Variants in SENP6 observed in about 807,000 individuals in gnomAD.
SENP6 encodes the protein sentrin-specific protease 6.
In SENP6, 41 loss-of-function variants were observed where a neutral mutation model predicts 134.5. That is an observed-to-expected ratio of 0.30 (90% CI 0.24 to 0.40). SENP6 has a LOEUF of 0.40. SENP6 is among the 10% of genes least tolerant of loss of function. SENP6 has a pLI of 1.00. For missense variants in SENP6, 1,248 were observed against 1,312.5 expected, an observed-to-expected ratio of 0.95 and a Z score of 0.76; for synonymous variants, 395 against 429.8, an observed-to-expected ratio of 0.92 and a Z score of 1.00.
intron 1 of SENP6, among the ~76,000 whole-genome samples, chr6:75,617,708 A>T (rs1767969702): frequency 6.6e-6 from 1 of 152,234 alleles, no homozygotes; most frequent in African/African-American, 2.4e-5. Flanking sequence ...TACCTGAACT[A>T]CAAACTTTAT....
At chr6:75,679,751 A>C (rs1448829151) in intron 16 of SENP6, 1 of 152,212 alleles carries the variant, frequency 6.6e-6, no homozygotes, top group African/African-American at 2.4e-5. Context: ...TGTGATATAA[A>C]ATGGACATGT....
chr6:75,675,604 A>G, intron 12 of SENP6, 136 bp downstream of exon 12: 1 of 679,374 alleles, frequency 1.5e-6, no homozygotes, highest in African/African-American at 1.8e-5. Context: ...ATCAAAGGGC[A>G]TATATCTTGG....
Position 75,678,650 on chromosome 6 carries a change from A to G in SENP6, c.1916A>G (p.Glu639Gly). Residue 639 changes from glutamate to glycine, a missense_variant, in exon 15 of 24, where the codon GAA becomes GGA. Coordinates refer to ENST00000447266, the MANE Select transcript of SENP6 (RefSeq NM_015571.4). ...QEFQFFDEEEETGENHTIFIG... is the reference protein window; with the variant it reads ...QEFQFFDEEEGTGENHTIFIG... ...TTTCAGTTTTTTGATGAAGAAGAAG[A>G]AACTGGAGAAAACCACACCATCTTC... 6.2e-7 allele frequency: 1 copy of G among 1,604,538 alleles called. No homozygotes were observed. The highest frequency in any genetic ancestry group is 2.2e-5 in the East Asian group (1 of 44,758).
intron 18 of SENP6, 72 bp downstream of exon 18, chr6:75,697,589 T>C: frequency 1.0e-6 from 1 of 992,942 alleles, no homozygotes; most frequent in Non-Finnish European, 1.6e-6. Context: ...ATAATGAGTA[T>C]GAGGTGAAGA....
chr6:75,634,825 T>C lies in SENP6; in HGVS notation c.458+14T>C. On this transcript the variant is annotated intron_variant, in intron 5 of 23. Transcript: ENST00000447266. Reference sequence around the variant, plus strand: ...AGCAGCCCAAAGGTAAGAATTCTAATTGTCTTTGGTTAGTATATACATGGC... The same window carrying C: ...AGCAGCCCAAAGGTAAGAATTCTAACTGTCTTTGGTTAGTATATACATGGC... 2 of 1,522,736 alleles carry C rather than the reference T, an allele frequency of 1.3e-6. No homozygotes were observed. Among genetic ancestry groups the C allele is most frequent in the South Asian group, 1.2e-5 (1 of 85,072 alleles). The allele number at this position is 1,522,736 out of a possible 1,614,324, so 94.3% of individuals were successfully genotyped here.
intron 11 of SENP6, among the ~76,000 whole-genome samples, chr6:75,671,671 G>A (rs577387600): frequency 2.6e-4 from 39 of 152,246 alleles, no homozygotes; most frequent in African/African-American, 7.9e-4. Flanking sequence ...GCAGTGAGCC[G>A]AGACGGCGCC....
intron 7 of SENP6, among the ~76,000 whole-genome samples, chr6:75,649,290 GGGTGACAGAGTGAGACTT>G (rs1392209527): frequency 6.6e-6 from 1 of 152,044 alleles, no homozygotes; most frequent in Non-Finnish European, 1.5e-5. Context: ...GCTCCAGCCT[GGGTGACAGAGTGAGACTT>G]GGTCTCAAAA....
At chr6:75,667,027 C>A in intron 10 of SENP6, 86 bp downstream of exon 10, 2 of 721,196 alleles carry the variant, frequency 2.8e-6, no homozygotes, top group South Asian at 2.2e-5. Context: ...TTTGGTAGTG[C>A]CAAGAAAAAA....
intron 9 of SENP6, among the ~76,000 whole-genome samples, chr6:75,666,419 T>A (rs983021425): frequency 1.3e-4 from 19 of 150,692 alleles, no homozygotes; most frequent in African/African-American, 3.9e-4. Context: ...TGTAACTTGC[T>A]GATATTGCTG....
intron 7 of SENP6, among the ~76,000 whole-genome samples, chr6:75,652,516 T>A (rs1402515445): frequency 1.3e-5 from 2 of 151,486 alleles, no homozygotes; most frequent in Non-Finnish European, 2.9e-5. Flanking sequence ...ATATACAGAT[T>A]TTTAAGACTT....
At chr6:75,631,397 CTT>C (rs1400016269) in intron 3 of SENP6, among the ~76,000 whole-genome samples, 1 of 152,082 alleles carries the variant, frequency 6.6e-6, no homozygotes, top group East Asian at 1.9e-4. Context: ...GCAAAACAGA[CTT>C]TTTTTGTTCT....
chr6:75,634,614 T>C (rs1769361595), intron 4 of SENP6, 93 bp from the exon 5 acceptor site: 1 of 630,602 alleles, frequency 1.6e-6, no homozygotes, highest in Admixed American at 3.7e-5. Context: ...GTAAAGGTTT[T>C]TGTGTGTTTG....
At chr6:75,605,369 CTG>C (rs1766953355) in intron 1 of SENP6, among the ~76,000 whole-genome samples, 1 of 152,134 alleles carries the variant, frequency 6.6e-6, no homozygotes, top group Non-Finnish European at 1.5e-5. Flanking sequence ...AAGCATATCT[CTG>C]TAATAAACTG....
chr6:75,657,939 G>A (rs971443932), intron 7 of SENP6, among the ~76,000 whole-genome samples: 1 of 152,094 alleles, frequency 6.6e-6, no homozygotes, highest in African/African-American at 2.4e-5. Flanking sequence ...ATTGAAACAG[G>A]AACTTCTGCT....
chr6:75,690,747 G>A (rs1404106648), intron 16 of SENP6, among the ~76,000 whole-genome samples: 3 of 151,424 alleles, frequency 2.0e-5, no homozygotes, highest in Non-Finnish European at 4.4e-5. Context: ...AGGCTCTGGA[G>A]TGCAGTGGTG....
rs191065514 is a variant in SENP6, at chr6:75,716,579, A to T, written c.*985A>T. 3.9e-4 allele frequency: 59 copies of T among 152,104 alleles called. No homozygotes were observed. The highest frequency in any genetic ancestry group is 1.4e-3 in the African/African-American group (57 of 41,578). The allele number at this position is 152,104 out of a possible 1,614,324, so 9.4% of individuals were successfully genotyped here. A position where few individuals can be genotyped will look rare whatever the true frequency, so the allele number is the denominator to read the frequency against. Reference sequence around the variant, plus strand: ...TATTTTTTACATGTAAAAGTACTGTATTCAACCAGTTGCATAATACAGCAA... The same window carrying T: ...TATTTTTTACATGTAAAAGTACTGTTTTCAACCAGTTGCATAATACAGCAA... On this transcript the variant is annotated 3_prime_UTR_variant, in exon 24 of 24. Coordinates refer to ENST00000447266, the MANE Select transcript of SENP6 (RefSeq NM_015571.4).
intron 10 of SENP6, 59 bp from the exon 11 acceptor site, chr6:75,670,494 C>T (rs1772583643): frequency 7.7e-7 from 1 of 1,295,148 alleles, no homozygotes; most frequent in East Asian, 2.3e-5. Context: ...TATGTTTATA[C>T]TTAGCTTGCA....
At chr6:75,656,162 C>T (rs1195657510) in intron 7 of SENP6, among the ~76,000 whole-genome samples, 4 of 147,894 alleles carry the variant, frequency 2.7e-5, no homozygotes, top group Non-Finnish European at 4.4e-5. Context: ...TTGAGTGAGC[C>T]GAGATTGCGC....
chr6:75,654,729 C>T (rs551753648), intron 7 of SENP6, among the ~76,000 whole-genome samples: 7 of 152,246 alleles, frequency 4.6e-5, no homozygotes, highest in African/African-American at 1.2e-4. Context: ...TATTTTTCAG[C>T]GTATTAGTAG....
Sources: allele counts gnomAD v4.1 joint callset (sites outside exome capture counted in the v4.1 genomes callset), GRCh38; gene constraint gnomAD v4.1.1; transcripts MANE v1.5; gene names NCBI Gene and HGNC (gene_info 2026-07-23, HGNC 2026-07-21).